MSI2: variants seen among roughly 807,000 people sequenced by gnomAD.
MSI2 encodes musashi RNA binding protein 2.
MSI2 carries 17 observed loss-of-function variants against 45.6 expected under a neutral mutation model. The observed-to-expected ratio is 0.37, with a 90% confidence interval of 0.26 to 0.56. MSI2 has a LOEUF of 0.56. Ranked by LOEUF, MSI2 falls within the 20% of genes least tolerant of loss-of-function variation. The pLI, the probability that MSI2 is intolerant of heterozygous loss-of-function variation, is 0.77. For synonymous variants in MSI2, 156 were observed against 158.2 expected, an observed-to-expected ratio of 0.99 and a Z score of 0.11; for missense variants, 293 against 444.2, an observed-to-expected ratio of 0.66 and a Z score of 3.06.
At position 57,627,732 on chromosome 17, in the gene MSI2, C is replaced by A; in HGVS notation, c.727+429C>A. On this transcript the variant is annotated intron_variant, in intron 10 of 13. Transcript: ENST00000284073. This position sits in a 1 kb window ranked among gnomAD's most constrained non-coding sequence, Gnocchi z 4.6. ...TGTCTCCCCGCCCTTGCTTCCTTTC[C>A]TCCACCCCTCCTCCTCCTGCTCCGT... is the stretch of plus-strand genomic sequence containing the variant. 4.6e-6 allele frequency: 1 copy of A among 216,532 alleles called. No homozygotes were observed. Among genetic ancestry groups the A allele is most frequent in the South Asian group, 7.3e-5 (1 of 13,768 alleles). 13.4% of individuals were successfully genotyped at this position (216,532 alleles called of 1,614,324 possible).
intron 5 of MSI2, among the ~76,000 whole-genome samples, chr17:57,378,074 C>CA (rs1226149152): frequency 2.2e-3 from 200 of 92,544 alleles, no homozygotes; most frequent in South Asian, 4.6e-3. Flanking sequence ...GACATCATCT[C>CA]AAAAAAAAAA....
chr17:57,374,416 C>T (rs1258802238), intron 5 of MSI2, among the ~76,000 whole-genome samples: 3 of 152,124 alleles, frequency 2.0e-5, no homozygotes, highest in Non-Finnish European at 4.4e-5. Context: ...TTTTTTCCTG[C>T]CCTTTTCCTG....
rs1908901323 is a variant in MSI2 at position 57,627,321 on chromosome 17, C to T, written c.727+18C>T. ...GTTCCCAGGTGAGTGGCTTGGTCTC[C>T]CAGGGCTTTGGAAGCACAAGAGGTG... On this transcript the variant is annotated intron_variant, in intron 10 of 13. Transcript: ENST00000284073. This position sits in a 1 kb window ranked among gnomAD's most constrained non-coding sequence, Gnocchi z 4.6. 1.9e-6 allele frequency: 3 copies of T among 1,613,438 alleles called. No homozygotes were observed. Among genetic ancestry groups the T allele is most frequent in the South Asian group, 1.1e-5 (1 of 91,068 alleles).
At chr17:57,438,953 C>G (rs1210560172) in intron 6 of MSI2, among the ~76,000 whole-genome samples, 1 of 152,138 alleles carries the variant, frequency 6.6e-6, no homozygotes, top group Non-Finnish European at 1.5e-5. Context: ...GCACCTGCCA[C>G]CACGCCCGGC....
intron 6 of MSI2, among the ~76,000 whole-genome samples, chr17:57,487,839 C>T (rs1008319275): frequency 7.9e-5 from 12 of 151,754 alleles, no homozygotes; most frequent in Non-Finnish European, 1.8e-4. Flanking sequence ...CGCATGCCAG[C>T]TCCCTCCCTC....
At chr17:57,693,539 C>T in the MSI2 span, among the ~76,000 whole-genome samples, 4 of 152,134 alleles carry the variant, frequency 2.6e-5, no homozygotes, top group East Asian at 7.7e-4. Context: ...ACTTTTTTCT[C>T]CTAGCATTTC....
chr17:57,418,793 T>C (rs921965440), intron 6 of MSI2, among the ~76,000 whole-genome samples: 6 of 152,242 alleles, frequency 3.9e-5, no homozygotes, highest in African/African-American at 1.2e-4. Context: ...GTAATCACTT[T>C]TCTAAAAGAG....
At chr17:57,483,447 C>T (rs548730967) in intron 6 of MSI2, among the ~76,000 whole-genome samples, 14 of 152,168 alleles carry the variant, frequency 9.2e-5, no homozygotes, top group African/African-American at 1.7e-4. Context: ...AAATGACTGG[C>T]GCCCCCCAAA....
At chr17:57,647,274 C>CAAAAAAAAAAAAA (rs33915774) in intron 10 of MSI2, among the ~76,000 whole-genome samples, 1 of 37,680 alleles carries the variant, frequency 2.7e-5, no homozygotes, top group Non-Finnish European at 5.3e-5. Context: ...ACTAAAAATA[C>CAAAAAAAAAAAAA]AAAAAAAAAA....
intron 7 of MSI2, among the ~76,000 whole-genome samples, chr17:57,568,496 A>C (rs1342732304): frequency 6.6e-6 from 1 of 152,202 alleles, no homozygotes; most frequent in Admixed American, 6.5e-5. Flanking sequence ...GGCCTGTAGA[A>C]GGTGGTCGAC....
chr17:57,366,047 G>A (rs1917165844), intron 5 of MSI2, among the ~76,000 whole-genome samples: 1 of 152,082 alleles, frequency 6.6e-6, no homozygotes, highest in Non-Finnish European at 1.5e-5. Flanking sequence ...CCGAATAGCT[G>A]GGACCACCGT....
intron 5 of MSI2, among the ~76,000 whole-genome samples, chr17:57,375,517 T>A (rs1165553564): frequency 6.6e-6 from 1 of 152,184 alleles, no homozygotes; most frequent in East Asian, 1.9e-4. Context: ...CCAGGCAGCA[T>A]GGAAGCCATG....
intron 9 of MSI2, chr17:57,626,986 G>A (rs1908864681): frequency 3.4e-6 from 2 of 586,618 alleles, no homozygotes; most frequent in East Asian, 2.8e-5. Flanking sequence ...GTTCAGGAAA[G>A]TACATGGGCT....
At chr17:57,366,030 C>T (rs1236851582) in intron 5 of MSI2, among the ~76,000 whole-genome samples, 1 of 152,160 alleles carries the variant, frequency 6.6e-6, no homozygotes, top group Non-Finnish European at 1.5e-5. Flanking sequence ...CCTCCCACCT[C>T]AACCTCCCGA....
At chr17:57,641,566 C>G (rs540323132) in intron 10 of MSI2, among the ~76,000 whole-genome samples, 62 of 152,270 alleles carry the variant, frequency 4.1e-4, no homozygotes, top group African/African-American at 1.4e-3. Flanking sequence ...AGCATCGGAA[C>G]AGGGAACTCT....
At chr17:57,484,783 C>T (rs938411212) in intron 6 of MSI2, among the ~76,000 whole-genome samples, 1 of 152,178 alleles carries the variant, frequency 6.6e-6, no homozygotes, top group Non-Finnish European at 1.5e-5. Context: ...TCAGACCACC[C>T]ATGGTTGTTT....
intron 5 of MSI2, among the ~76,000 whole-genome samples, chr17:57,310,975 A>G (rs1237294516): frequency 6.6e-6 from 1 of 152,140 alleles, no homozygotes; most frequent in East Asian, 1.9e-4. Context: ...GAATAACACC[A>G]TTTTTTGAAC....
chr17:57,522,161 G>C (rs1382688286), intron 6 of MSI2: 1 of 152,224 alleles, frequency 6.6e-6, no homozygotes, highest in Non-Finnish European at 1.5e-5. Context: ...TGCCACCTCA[G>C]CCGAGTCTCA....
At chr17:57,318,525 G>A (rs1196768321) in intron 5 of MSI2, among the ~76,000 whole-genome samples, 2 of 152,240 alleles carry the variant, frequency 1.3e-5, no homozygotes, top group South Asian at 4.2e-4. Flanking sequence ...ACTGGGAATG[G>A]GCCGGAGAAA....
Sources: allele counts gnomAD v4.1 joint callset (sites outside exome capture counted in the v4.1 genomes callset), GRCh38; gene constraint gnomAD v4.1.1; non-coding constraint Gnocchi (gnomAD v3.1); transcripts MANE v1.5; gene names NCBI Gene and HGNC (gene_info 2026-07-23, HGNC 2026-07-21).